The following TMTC2 variants were observed in gnomAD, a reference collection of about 807,000 sequenced individuals.
TMTC2 encodes the protein transmembrane O-mannosyltransferase targeting cadherins 2.
In TMTC2, 43 loss-of-function variants were observed where a neutral mutation model predicts 82.4. The ratio of observed to expected loss-of-function variants is 0.52; its 90% confidence interval spans 0.41 to 0.67. TMTC2 has a LOEUF of 0.67. Ranked by LOEUF, TMTC2 falls within the 30% of genes least tolerant of loss-of-function variation. TMTC2 has a pLI of 0.00. For synonymous variants in TMTC2, 408 were observed against 381.9 expected (o/e 1.07, Z -0.80); for missense variants, 919 against 1,012.4 (o/e 0.91, Z 1.25).
intron 2 of TMTC2, among the ~76,000 whole-genome samples, chr12:82,883,915 A>G (rs1008175732): frequency 6.6e-6 from 1 of 152,130 alleles, no homozygotes; most frequent in Non-Finnish European, 1.5e-5. Flanking sequence ...TCAGGTCACA[A>G]AGGATATTTT....
intron 9 of TMTC2, among the ~76,000 whole-genome samples, chr12:83,036,723 T>G (rs1488678908): frequency 1.3e-5 from 2 of 152,168 alleles, no homozygotes; most frequent in Non-Finnish European, 2.9e-5. Context: ...CATTTTGTGT[T>G]GCTATAACAG....
chr12:83,079,186 C>G (rs1381226665), intron 11 of TMTC2, among the ~76,000 whole-genome samples: 11 of 151,840 alleles, frequency 7.2e-5, no homozygotes, highest in Admixed American at 7.2e-4. Context: ...TTCATCAGTC[C>G]AAGTTGATTT....
chr12:82,959,800 G>T (rs1021627161), intron 4 of TMTC2, among the ~76,000 whole-genome samples: 1 of 151,930 alleles, frequency 6.6e-6, no homozygotes, highest in African/African-American at 2.4e-5. Context: ...AGAAGACATT[G>T]CAACAAAAAC....
At chr12:82,943,011 C>G (rs1045066960) in intron 4 of TMTC2, among the ~76,000 whole-genome samples, 1 of 152,296 alleles carries the variant, frequency 6.6e-6, no homozygotes, top group Middle Eastern at 3.4e-3. Context: ...AGGAAAGAAG[C>G]TGATCTGTTC....
chr12:82,916,440 A>G (rs565850207), intron 3 of TMTC2, among the ~76,000 whole-genome samples: 233 of 152,346 alleles, frequency 1.5e-3, no homozygotes, highest in Non-Finnish European at 2.8e-3. Flanking sequence ...GCCATGGGAA[A>G]AATTTTGCAT....
At chr12:82,984,129 C>G (rs975865489) in intron 7 of TMTC2, among the ~76,000 whole-genome samples, 10 of 151,928 alleles carry the variant, frequency 6.6e-5, no homozygotes, top group African/African-American at 2.4e-4. Context: ...AGTCTTTCAT[C>G]TTTGCTTCAG....
At chr12:82,973,679 G>C (rs1221454933) in intron 7 of TMTC2, among the ~76,000 whole-genome samples, 3 of 152,282 alleles carry the variant, frequency 2.0e-5, no homozygotes, top group Admixed American at 2.0e-4. Flanking sequence ...ACAAAGGCTA[G>C]CATCCAGTTC....
At chr12:82,749,048 G>C (rs948804049) in intron 1 of TMTC2, among the ~76,000 whole-genome samples, 1 of 152,208 alleles carries the variant, frequency 6.6e-6, no homozygotes, top group Non-Finnish European at 1.5e-5. Context: ...GTTCAGGTTT[G>C]ATGAATAAGT....
At chr12:83,099,515 A>T (rs1884142732) in intron 11 of TMTC2, among the ~76,000 whole-genome samples, 1 of 152,138 alleles carries the variant, frequency 6.6e-6, no homozygotes, top group Admixed American at 6.5e-5. Context: ...TAGAGTTTAA[A>T]TTTTTCCAGG....
chr12:82,707,866 A>G (rs1029381594), intron 1 of TMTC2, among the ~76,000 whole-genome samples: 7 of 152,224 alleles, frequency 4.6e-5, no homozygotes, highest in South Asian at 4.1e-4. Context: ...AATAAGTAGT[A>G]TTCTTGGTTT....
At chr12:82,765,214 G>A (rs1440019780) in intron 1 of TMTC2, among the ~76,000 whole-genome samples, 5 of 152,026 alleles carry the variant, frequency 3.3e-5, no homozygotes, top group Admixed American at 6.6e-5. Context: ...GAGTTTGGGG[G>A]TCCCAAGATT....
intron 7 of TMTC2, among the ~76,000 whole-genome samples, chr12:82,978,136 G>A (rs1289217283): frequency 6.6e-6 from 1 of 151,540 alleles, no homozygotes; most frequent in East Asian, 1.9e-4. Context: ...AGAAAACAGA[G>A]TTATAACTAT....
intron 3 of TMTC2, among the ~76,000 whole-genome samples, chr12:82,910,307 C>G (rs1874562629): frequency 6.6e-6 from 1 of 152,190 alleles, no homozygotes. Flanking sequence ...CCCTGTCCCC[C>G]TCACAGCGCG....
At chr12:82,995,173 C>T (rs1235045588) in intron 8 of TMTC2, among the ~76,000 whole-genome samples, 1 of 152,008 alleles carries the variant, frequency 6.6e-6, no homozygotes, top group Non-Finnish European at 1.5e-5. Context: ...GAGTATCGCT[C>T]CTTGTTAAAA....
intron 1 of TMTC2, among the ~76,000 whole-genome samples, chr12:82,785,910 G>A (rs532782239): frequency 6.6e-6 from 1 of 152,048 alleles, no homozygotes; most frequent in Non-Finnish European, 1.5e-5. Context: ...TCACCATCTC[G>A]ATTTAAGTAT....
Position 82,761,940 on chromosome 12 carries a change from T to G in TMTC2, c.83+74271T>G, listed in dbSNP as rs181504311. 6.1e-3 allele frequency among the ~76,000 whole-genome samples: 898 copies of G among 147,638 alleles called. 12 individuals are homozygous for G. The highest frequency in any genetic ancestry group is 0.022 in the African/African-American group (846 of 38,546). ...TCTTTCTCTTTCCTTTCTTCCTTCC[T>G]TCTTTCTTTCCTTTCCTTTCCCTTT... On this transcript the variant is annotated intron_variant, in intron 1 of 11. Coordinates refer to ENST00000321196, the MANE Select transcript of TMTC2 (RefSeq NM_152588.3).
intron 2 of TMTC2, among the ~76,000 whole-genome samples, chr12:82,890,160 A>T (rs1873323117): frequency 1.3e-5 from 2 of 152,064 alleles, no homozygotes; most frequent in African/African-American, 4.8e-5. Flanking sequence ...TTTAATCTTA[A>T]TTGGTATTAA....
intron 4 of TMTC2, among the ~76,000 whole-genome samples, chr12:82,945,394 A>G (rs1265881983): frequency 1.3e-5 from 2 of 152,202 alleles, no homozygotes; most frequent in East Asian, 3.8e-4. Flanking sequence ...TGTCGTTTTC[A>G]TCCAGGACAC....
At chr12:82,825,950 A>C (rs868550458) in intron 1 of TMTC2, among the ~76,000 whole-genome samples, 1 of 152,172 alleles carries the variant, frequency 6.6e-6, no homozygotes, top group South Asian at 2.1e-4. Context: ...GAGTACACAA[A>C]TTATTGCGAA....
Sources: allele counts gnomAD v4.1 joint callset (sites outside exome capture counted in the v4.1 genomes callset), GRCh38; gene constraint gnomAD v4.1.1; transcripts MANE v1.5; gene names NCBI Gene and HGNC (gene_info 2026-07-23, HGNC 2026-07-21).